The following MROH2A variants were observed in gnomAD, a reference collection of about 807,000 sequenced individuals.
The protein encoded by MROH2A is maestro heat-like repeat-containing protein family member 2A.
MROH2A carries 174 observed loss-of-function variants against 200.4 expected under a neutral mutation model. That is an observed-to-expected ratio of 0.87 (90% CI 0.77 to 0.98). The LOEUF (loss-of-function observed/expected upper bound fraction) is 0.98, where lower values mean the gene tolerates loss of function less well. Ranked by LOEUF, MROH2A falls within the 50% of genes least tolerant of loss-of-function variation. The probability of loss-of-function intolerance (pLI) is 0.00; values close to 1 mark genes in which losing one functional copy is unlikely to be tolerated. For synonymous variants in MROH2A, 829 were observed against 840.4 expected (o/e 0.99, Z 0.23); for missense variants, 2,045 against 2,139.6 (o/e 0.96, Z 0.87).
At chr2:233,832,737 C>A in intron 41 of MROH2A, 93 bp downstream of exon 41, 1 of 854,532 alleles carries the variant, frequency 1.2e-6, no homozygotes. Context: ...AGCCAGAGGA[C>A]CCTTTGCTGT....
intron 41 of MROH2A, 32 bp from the exon 42 acceptor site, chr2:233,833,106 C>G: frequency 6.6e-7 from 1 of 1,518,182 alleles, no homozygotes; most frequent in Non-Finnish European, 8.8e-7. Flanking sequence ...CTGGGCGGGG[C>G]CTGAACCTTC....
chr2:233,800,963 A>G (rs886695237), intron 14 of MROH2A, among the ~76,000 whole-genome samples: 15 of 152,028 alleles, frequency 9.9e-5, no homozygotes, highest in African/African-American at 3.6e-4. Flanking sequence ...AATAATAATA[A>G]TCATCATCAT....
At position 233,807,318 on chromosome 2, in the gene MROH2A, A is replaced by G. The variant is rs903710586; in HGVS notation, c.2053-105A>G. The G allele has an allele frequency of 5.6e-6, 7 of 1,249,914 alleles. No individual in the cohort carries two copies. Among genetic ancestry groups the G allele is most frequent in the Middle Eastern group, 2.2e-4 (1 of 4,552 alleles). 77.4% of individuals were successfully genotyped at this position (1,249,914 alleles called of 1,614,324 possible). ...AAACGTGTGTGCAAGTATCTTCTGC[A>G]CATTAAAATAAATTGAAAAATACGT... On this transcript the variant is annotated intron_variant, in intron 19 of 41. Transcript: ENST00000389758. This position sits in a 1 kb window ranked among gnomAD's most constrained non-coding sequence, Gnocchi z 4.3.
intron 22 of MROH2A, among the ~76,000 whole-genome samples, chr2:233,809,942 C>T (rs1703047279): frequency 1.3e-5 from 2 of 152,168 alleles, no homozygotes; most frequent in South Asian, 4.1e-4. Context: ...ACCACCTTTA[C>T]TCTTCCTGTC....
At chr2:233,794,284 T>G in intron 7 of MROH2A, 79 bp from the exon 8 acceptor site, 1 of 1,083,212 alleles carries the variant, frequency 9.2e-7, no homozygotes, top group Non-Finnish European at 1.4e-6. Flanking sequence ...GTCCTTGGAT[T>G]CTGTGGCTGG....
In MROH2A at chr2:233,789,932, C is replaced by G; in HGVS notation, c.489C>G (p.Tyr163Ter). Residue 163 changes from tyrosine to a stop codon, truncating the protein, a stop_gained, in exon 5 of 42, where the codon TAC becomes TAG. Coordinates refer to ENST00000389758, the MANE Select transcript of MROH2A (RefSeq NM_001394639.1). LOFTEE classifies it high-confidence loss of function. Reference sequence around the variant, plus strand: ...GAAACCACTTCAGCTTGGTCATGTACGAGCTGCAGCACCACCTCAAGCCCC... The same window carrying G: ...GAAACCACTTCAGCTTGGTCATGTAGGAGCTGCAGCACCACCTCAAGCCCC... ...LSRNHFSLVMYELQHHLKPLN... is the reference protein window; with the variant it reads ...LSRNHFSLVM 1 of 1,550,492 alleles carries G rather than the reference C, an allele frequency of 6.4e-7. No individual in the cohort carries two copies. Among genetic ancestry groups the G allele is most frequent in the Non-Finnish European group, 8.7e-7 (1 of 1,146,926 alleles).
At chr2:233,831,866 T>G (rs960656298) in intron 39 of MROH2A, among the ~76,000 whole-genome samples, 3 of 152,244 alleles carry the variant, frequency 2.0e-5, no homozygotes, top group African/African-American at 4.8e-5. Context: ...TTACAATTTT[T>G]GGGGTACCAT....
At position 233,822,172 on chromosome 2, in the gene MROH2A, C is replaced by G; in HGVS notation, c.3561C>G (p.Ala1187=). The G allele has an allele frequency of 6.5e-7, 1 of 1,549,910 alleles. No individual in the cohort carries two copies. The highest frequency in any genetic ancestry group is 8.7e-7 in the Non-Finnish European group (1 of 1,146,992). ...CAGTGTCGGAGAACGTGCCCTTCGCCCGGACCATGCTCCACAGCCTGATGG... is the reference window on the plus strand; with the variant it reads ...CAGTGTCGGAGAACGTGCCCTTCGCGCGGACCATGCTCCACAGCCTGATGG... ...WLAVSENVPF[A]RTMLHSLMGR... Residue 1187 remains alanine (A), a synonymous_variant, in exon 32 of 42, where the codon GCC becomes GCG. Coordinates refer to ENST00000389758, the MANE Select transcript of MROH2A (RefSeq NM_001394639.1).
chr2:233,778,229 T>C (rs1027090431), upstream of MROH2A: 2 of 155,210 alleles, frequency 1.3e-5, no homozygotes, highest in African/African-American at 2.4e-5. Flanking sequence ...AAGACCTGGG[T>C]TGATAGAGAC....
chr2:233,824,489 G>A (rs1031356105), intron 35 of MROH2A, among the ~76,000 whole-genome samples: 8 of 152,184 alleles, frequency 5.3e-5, no homozygotes, highest in Admixed American at 4.6e-4. Flanking sequence ...GTGCTCCCTC[G>A]TTGTCTCACC....
intron 38 of MROH2A, among the ~76,000 whole-genome samples, chr2:233,830,969 C>T (rs28900699): frequency 0.065 from 9,905 of 152,230 alleles, 1,054 homozygotes; most frequent in African/African-American, 0.22. Context: ...AAAGGGCTAC[C>T]GAGACAGAAG....
intron 38 of MROH2A, among the ~76,000 whole-genome samples, chr2:233,830,002 C>T (rs970794882): frequency 6.6e-6 from 1 of 152,192 alleles, no homozygotes; most frequent in Non-Finnish European, 1.5e-5. Context: ...ACTAAGCAGT[C>T]TCAGCCCCGT....
At chr2:233,785,371 G>A (rs1298634499) in intron 3 of MROH2A, among the ~76,000 whole-genome samples, 1 of 151,002 alleles carries the variant, frequency 6.6e-6, no homozygotes, top group Non-Finnish European at 1.5e-5. Context: ...GCCGAGATGG[G>A]AGCATTGTTT....
intron 26 of MROH2A, 98 bp from the exon 27 acceptor site, chr2:233,816,683 C>G: frequency 1.5e-6 from 1 of 683,484 alleles, no homozygotes; most frequent in Non-Finnish European, 2.6e-6. Context: ...CATTGAAAGT[C>G]GATCTGAGTA....
Position 233,832,644 on chromosome 2 carries a change from T to A in MROH2A, c.4903T>A (p.Ser1635Thr), listed in dbSNP as rs1019061636. The A allele has an allele frequency of 5.8e-5, 90 of 1,545,798 alleles. No individual in the cohort carries two copies. Among genetic ancestry groups the A allele is most frequent in the Admixed American group, 7.8e-5 (4 of 50,966 alleles). The part of the protein sequence containing the change: ...KKLDFPALRN[S>T]LQELQLDPDP... ...GCTGGACTTCCCAGCATTACGGAATTGTGAGTAGTGGAGAGTGTTAGATGT... is the reference window on the plus strand; with the variant it reads ...GCTGGACTTCCCAGCATTACGGAATAGTGAGTAGTGGAGAGTGTTAGATGT... The change falls in exon 41 of 42, where the codon TCC becomes ACC. Residue 1635 changes from serine to threonine, a missense_variant and splice_region_variant. Physicochemically the swap from Ser to Thr is moderately conservative, Grantham distance 58. Coordinates refer to ENST00000389758, the MANE Select transcript of MROH2A (RefSeq NM_001394639.1).
chr2:233,785,681 A>G (rs1435180160), intron 3 of MROH2A, among the ~76,000 whole-genome samples: 1 of 151,980 alleles, frequency 6.6e-6, no homozygotes, highest in Non-Finnish European at 1.5e-5. Flanking sequence ...TAATTTGAAT[A>G]TTCTCAGTGG....
At position 233,807,307 on chromosome 2, in the gene MROH2A, G is replaced by A. The variant is rs1702862167; in HGVS notation, c.2053-116G>A. 1 of 1,158,008 alleles carries A rather than the reference G, an allele frequency of 8.6e-7. No individual in the cohort carries two copies. Among genetic ancestry groups the A allele is most frequent in the Non-Finnish European group, 1.2e-6 (1 of 845,558 alleles). 71.7% of individuals were successfully genotyped at this position (1,158,008 alleles called of 1,614,324 possible). On this transcript the variant is annotated intron_variant, in intron 19 of 41. Coordinates refer to ENST00000389758, the MANE Select transcript of MROH2A (RefSeq NM_001394639.1). The surrounding 1 kb of genome is among the most constrained non-coding windows in gnomAD (Gnocchi z 4.3). Reference sequence around the variant, plus strand: ...TGTGCTGCTGTAAACGTGTGTGCAAGTATCTTCTGCACATTAAAATAAATT... The same window carrying A: ...TGTGCTGCTGTAAACGTGTGTGCAAATATCTTCTGCACATTAAAATAAATT...
chr2:233,779,021 C>T (rs547157974), intron 1 of MROH2A, among the ~76,000 whole-genome samples: 6 of 152,292 alleles, frequency 3.9e-5, no homozygotes, highest in South Asian at 2.1e-4. Context: ...TTCCTTGCTA[C>T]GTGGCCCTCA....
intron 26 of MROH2A, among the ~76,000 whole-genome samples, chr2:233,815,646 A>C (rs1051010213): frequency 5.3e-5 from 8 of 152,194 alleles, no homozygotes; most frequent in Non-Finnish European, 1.0e-4. Flanking sequence ...TGTTGAAAAG[A>C]CTGCCCTTTT....
Sources: gnomAD v4.1 joint callset for allele counts (sites outside exome capture counted in the v4.1 genomes callset) on GRCh38, gnomAD v4.1.1 for gene constraint, Gnocchi (gnomAD v3.1) non-coding constraint, MANE v1.5 for transcripts, NCBI Gene and HGNC (gene_info 2026-07-23, HGNC 2026-07-21) for gene names.